The following GRIP1 variants were observed in gnomAD, a reference collection of about 807,000 sequenced individuals.
GRIP1 encodes glutamate receptor-interacting protein 1.
In GRIP1, 45 loss-of-function variants were observed where a neutral mutation model predicts 129.9. The ratio of observed to expected loss-of-function variants is 0.35; its 90% CI spans 0.27 to 0.44. GRIP1 has a LOEUF of 0.44. GRIP1 is among the 20% of genes least tolerant of loss of function. The pLI, the probability that GRIP1 is intolerant of heterozygous loss-of-function variation, is 1.00. For synonymous variants in GRIP1, 530 were observed against 520.8 expected (o/e 1.02, Z -0.24); for missense variants, 1,196 against 1,396.8 (o/e 0.86, Z 2.29).
chr12:66,889,669 T>C (rs1239829471), intron 1 of GRIP1, among the ~76,000 whole-genome samples: 1 of 152,232 alleles, frequency 6.6e-6, no homozygotes, highest in South Asian at 2.1e-4. Flanking sequence ...TCAAAGTTAA[T>C]ATCAATTTTC....
Position 66,420,928 on chromosome 12 carries a change from G to A in GRIP1, c.1769-139C>T, listed in dbSNP as rs1388932552. On this transcript the variant is annotated intron_variant, in intron 14 of 24. Coordinates refer to ENST00000359742, the MANE Select transcript of GRIP1 (RefSeq NM_001366722.1). ...AGATGGTCAGCAAATGAATTAGGAAGTATGCACATTATGTCTTTACAAATG... is the reference window on the plus strand; with the variant it reads ...AGATGGTCAGCAAATGAATTAGGAAATATGCACATTATGTCTTTACAAATG... 1.2e-5 allele frequency: 8 copies of A among 642,872 alleles called. No individual in the cohort carries two copies. The East Asian group carries it at 1.8e-4, about 15-fold the overall frequency. The allele number at this position is 642,872 out of a possible 1,614,324, so 39.8% of individuals were successfully genotyped here.
chr12:66,670,046 G>C (rs1189260566), intron 1 of GRIP1, among the ~76,000 whole-genome samples: 1 of 152,118 alleles, frequency 6.6e-6, no homozygotes, highest in Non-Finnish European at 1.5e-5. Context: ...TTCATTGTGG[G>C]CTAGGGCAAC....
intron 1 of GRIP1, among the ~76,000 whole-genome samples, chr12:67,009,745 T>C (rs1004410582): frequency 1.3e-5 from 2 of 152,144 alleles, no homozygotes; most frequent in Admixed American, 6.6e-5. Context: ...CTCAATAAAG[T>C]CTGTGCATTT....
intron 1 of GRIP1, among the ~76,000 whole-genome samples, chr12:67,011,384 A>G (rs2042704945): frequency 6.6e-6 from 1 of 152,186 alleles, no homozygotes. Flanking sequence ...ATGCTTCAGT[A>G]TTGTCCTAGT....
At chr12:66,598,087 T>C (rs2064126066) in intron 1 of GRIP1, among the ~76,000 whole-genome samples, 1 of 152,186 alleles carries the variant, frequency 6.6e-6, no homozygotes, top group African/African-American at 2.4e-5. Context: ...AAAGAAACCA[T>C]ACTGTGCATG....
chr12:66,620,350 T>G (rs1386347617), intron 1 of GRIP1, among the ~76,000 whole-genome samples: 2 of 152,142 alleles, frequency 1.3e-5, no homozygotes, highest in East Asian at 3.8e-4. Flanking sequence ...GACACATGGA[T>G]GCAATGCCAC....
At chr12:66,732,149 C>A (rs1002751745) in intron 1 of GRIP1, among the ~76,000 whole-genome samples, 1 of 152,084 alleles carries the variant, frequency 6.6e-6, no homozygotes, top group East Asian at 1.9e-4. Flanking sequence ...CTTGCCTCCC[C>A]TTCCACCTTC....
intron 10 of GRIP1, 70 bp downstream of exon 10, chr12:66,456,117 T>G: frequency 3.7e-5 from 35 of 934,108 alleles, no homozygotes; most frequent in Non-Finnish European, 5.0e-5. Context: ...AAGCCAAAGA[T>G]GAGAAAAGGA....
chr12:66,600,816 C>T (rs2064243469), intron 1 of GRIP1, among the ~76,000 whole-genome samples: 1 of 152,234 alleles, frequency 6.6e-6, no homozygotes. Flanking sequence ...CACTAAAAGT[C>T]ACTACGGGGC....
intron 1 of GRIP1, among the ~76,000 whole-genome samples, chr12:66,985,099 C>A (rs2135611774): frequency 6.6e-6 from 1 of 152,268 alleles, no homozygotes; most frequent in South Asian, 2.1e-4. Context: ...AATTTTCTCA[C>A]AGCATGCTGG....
chr12:66,439,971 T>C lies in GRIP1; in HGVS notation c.1687+4613A>G, dbSNP rs151199274. Among the ~76,000 whole-genome samples the C allele has an allele frequency of 6.4e-4, 98 of 152,298 alleles. 2 individuals are homozygous for C. The East Asian group carries it at 0.016, about 25-fold the overall frequency. On this transcript the variant is annotated intron_variant, in intron 13 of 24. Coordinates refer to ENST00000359742, the MANE Select transcript of GRIP1 (RefSeq NM_001366722.1). The stretch of plus-strand genomic sequence containing the variant: ...CTCTAAACTTGAAGCTTCCAGACAC[T>C]GCTTGAATATCCTTTTACAGCTTCT...
intron 1 of GRIP1, among the ~76,000 whole-genome samples, chr12:66,785,935 T>C (rs1287238409): frequency 6.7e-6 from 1 of 149,990 alleles, no homozygotes; most frequent in Admixed American, 6.6e-5. Context: ...ATTTAAAAAT[T>C]AGCCGGGCAT....
At chr12:66,927,695 C>T (rs187519981) in intron 1 of GRIP1, among the ~76,000 whole-genome samples, 100 of 152,294 alleles carry the variant, frequency 6.6e-4, no homozygotes, top group Admixed American at 1.6e-3. Flanking sequence ...TTACCCACCT[C>T]GTATCCACCC....
chr12:66,546,615 A>C (rs1439384703), intron 2 of GRIP1, among the ~76,000 whole-genome samples: 2 of 152,218 alleles, frequency 1.3e-5, no homozygotes, highest in African/African-American at 4.8e-5. Context: ...CAAGATGCAA[A>C]TGCAATTCAA....
At chr12:66,875,910 G>A (rs2040374639) in intron 1 of GRIP1, among the ~76,000 whole-genome samples, 1 of 151,992 alleles carries the variant, frequency 6.6e-6, no homozygotes, top group Non-Finnish European at 1.5e-5. Context: ...TACAGCCTCT[G>A]CAAAAGTAAG....
At chr12:66,724,452 T>C (rs944454181) in intron 1 of GRIP1, among the ~76,000 whole-genome samples, 2 of 152,200 alleles carry the variant, frequency 1.3e-5, no homozygotes, top group Non-Finnish European at 2.9e-5. Flanking sequence ...GGTTCCTTAT[T>C]TCATCAAATA....
At chr12:66,886,832 G>A (rs1025965014) in intron 1 of GRIP1, among the ~76,000 whole-genome samples, 3 of 152,138 alleles carry the variant, frequency 2.0e-5, no homozygotes, top group Non-Finnish European at 4.4e-5. Flanking sequence ...AGAAGTGATG[G>A]CAGATACTGA....
intron 11 of GRIP1, among the ~76,000 whole-genome samples, chr12:66,449,594 G>A (rs1263045467): frequency 6.6e-6 from 1 of 152,168 alleles, no homozygotes; most frequent in Non-Finnish European, 1.5e-5. Context: ...CTGACACATA[G>A]ACTGTCATGT....
intron 7 of GRIP1, among the ~76,000 whole-genome samples, chr12:66,505,899 G>A (rs561927445): frequency 2.0e-5 from 3 of 152,228 alleles, no homozygotes; most frequent in Admixed American, 6.5e-5. Flanking sequence ...CAGAACACTT[G>A]AGCAGACCAT....
Sources: gnomAD v4.1 joint callset for allele counts (sites outside exome capture counted in the v4.1 genomes callset) on GRCh38, gnomAD v4.1.1 for gene constraint, MANE v1.5 for transcripts, NCBI Gene and HGNC (gene_info 2026-07-23, HGNC 2026-07-21) for gene names.